TOMM34: variants seen among roughly 807,000 people sequenced by gnomAD.
TOMM34 encodes translocase of outer mitochondrial membrane 34.
A neutral mutation model predicts 37.4 loss-of-function variants in TOMM34; 24 were observed. The observed-to-expected ratio is 0.64, with a 90% CI of 0.46 to 0.90. TOMM34 has a LOEUF of 0.90. TOMM34 is among the 40% of genes least tolerant of loss of function. TOMM34 has a pLI of 0.00. For missense variants in TOMM34, 304 were observed against 375.6 expected (o/e 0.81, Z 1.58); for synonymous variants, 154 against 148.9 (o/e 1.03, Z -0.25).
chr20:44,959,369 A>C (rs1176585999), intron 1 of TOMM34, among the ~76,000 whole-genome samples: 2 of 152,170 alleles, frequency 1.3e-5, no homozygotes, highest in South Asian at 4.1e-4. Context: ...ATGCTGACGA[A>C]AGCTGGACGC....
chr20:44,950,595 A>G (rs948086749), intron 4 of TOMM34, among the ~76,000 whole-genome samples: 3 of 152,262 alleles, frequency 2.0e-5, no homozygotes, highest in Non-Finnish European at 2.9e-5. Context: ...AATGAAATCA[A>G]TGGTAGGTGC....
chr20:44,952,143 T>A, intron 3 of TOMM34, 141 bp from the exon 4 acceptor site: 1 of 917,782 alleles, frequency 1.1e-6, no homozygotes, highest in Non-Finnish European at 1.6e-6. Context: ...CCTCTTTAGC[T>A]CCTCCAACAC....
At chr20:44,949,474 T>A (rs2067008437) in intron 4 of TOMM34, among the ~76,000 whole-genome samples, 1 of 152,194 alleles carries the variant, frequency 6.6e-6, no homozygotes, top group African/African-American at 2.4e-5. Context: ...ATCTAACACA[T>A]GCAGCTCTGC....
chr20:44,942,853 T>C lies in TOMM34; in HGVS notation c.*256A>G, dbSNP rs573250800. ...TGATCAGCTAGCTGGGCTGGGGGAA[T>C]AGGGACAGAGCTTCAGCTTCACGCT... is the stretch of plus-strand genomic sequence containing the variant. On this transcript the variant is annotated 3_prime_UTR_variant, in exon 7 of 7. Coordinates refer to ENST00000372813, the MANE Select transcript of TOMM34 (RefSeq NM_006809.5). 2.7e-5 allele frequency: 15 copies of C among 550,378 alleles called. No individual in the cohort carries two copies. The highest frequency in any genetic ancestry group is 9.2e-5 in the East Asian group (3 of 32,486). 34.1% of individuals were successfully genotyped at this position (550,378 alleles called of 1,614,324 possible). A position where few individuals can be genotyped will look rare whatever the true frequency, so the allele number is the denominator to read the frequency against.
intron 3 of TOMM34, among the ~76,000 whole-genome samples, chr20:44,952,878 C>T (rs1332838181): frequency 6.6e-6 from 1 of 152,154 alleles, no homozygotes; most frequent in South Asian, 2.1e-4. Context: ...GTTTTCCTGG[C>T]GGCCAAGCTA....
rs950903385 is a variant in TOMM34 at position 44,950,961 on chromosome 20, G to C, written c.550+872C>G. ...TTGAGGTGAGGAATCTCCTGTTTTTGGCTGCTTGGATCTCCTTTCTCTTCT... is the reference window on the plus strand; with the variant it reads ...TTGAGGTGAGGAATCTCCTGTTTTTCGCTGCTTGGATCTCCTTTCTCTTCT... On this transcript the variant is annotated intron_variant, in intron 4 of 6. Coordinates refer to ENST00000372813, the MANE Select transcript of TOMM34 (RefSeq NM_006809.5). 2.6e-5 allele frequency among the ~76,000 whole-genome samples: 4 copies of C among 152,024 alleles called. No individual in the cohort carries two copies. In the East Asian group the frequency reaches 7.7e-4, roughly 29 times the overall value.
rs371426835 is a variant in TOMM34 at position 44,956,444 on chromosome 20, G to A, written c.169C>T (p.Arg57Ter). 4.3e-6 allele frequency: 7 copies of A among 1,614,058 alleles called. No homozygotes were observed. In the African/African-American group the frequency reaches 9.3e-5, roughly 22 times the overall value. The stretch of plus-strand genomic sequence containing the variant: ...CCATCCTTCAAGTGACATGCTGCTC[G>A]GTTGGAGTAGAGAACACTTTCTTCT... ...PEEESVLYSN[R>*]AACHLKDGNC... Residue 57 changes from arginine to a stop codon, truncating the protein, a stop_gained, in exon 2 of 7, where the codon CGA (arginine) becomes TGA (stop). Coordinates refer to ENST00000372813, the MANE Select transcript of TOMM34 (RefSeq NM_006809.5). LOFTEE classifies it high-confidence loss of function.
At chr20:44,960,177 C>G in intron 1 of TOMM34, 30 bp downstream of exon 1, 4 of 1,545,396 alleles carry the variant, frequency 2.6e-6, no homozygotes, top group Non-Finnish European at 3.5e-6. Flanking sequence ...AGGAGCAGGC[C>G]CGGAGGTGAG....
chr20:44,960,074 G>C, intron 1 of TOMM34, 133 bp downstream of exon 1: 1 of 1,395,056 alleles, frequency 7.2e-7, no homozygotes, highest in South Asian at 1.6e-5. Context: ...GTTTCTGGTA[G>C]GATGCCGGAG....
chr20:44,947,925 T>C (rs372766712), intron 5 of TOMM34, among the ~76,000 whole-genome samples: 2 of 152,230 alleles, frequency 1.3e-5, no homozygotes, highest in African/African-American at 4.8e-5. Context: ...TTCTAACATT[T>C]TATAATGTTT....
In TOMM34 at chr20:44,943,465, G is replaced by A; in HGVS notation, c.813C>T (p.His271=). The A allele has an allele frequency of 1.2e-6, 2 of 1,614,092 alleles. No individual in the cohort carries two copies. Among genetic ancestry groups the A allele is most frequent in the Non-Finnish European group, 1.7e-6 (2 of 1,180,018 alleles). ...GATTTTTTTTTACCTTGAGTGCTTTGTGGGCTTGAGCCCGTCTGTAGAATG... is the reference window on the plus strand; with the variant it reads ...GATTTTTTTTTACCTTGAGTGCTTTATGGGCTTGAGCCCGTCTGTAGAATG... The part of the protein sequence containing the change: ...VKAFYRRAQA[H]KALKDYKSSF... Residue 271 remains histidine (H), a synonymous_variant, in exon 6 of 7, where the codon CAC becomes CAT. Transcript: ENST00000372813.
chr20:44,953,162 G>A (rs1444231660), intron 3 of TOMM34, among the ~76,000 whole-genome samples: 2 of 152,052 alleles, frequency 1.3e-5, no homozygotes, highest in Non-Finnish European at 2.9e-5. Context: ...CAGCATTTAA[G>A]TCCCTTTAAC....
At chr20:44,951,701 T>A in intron 4 of TOMM34, 132 bp downstream of exon 4, 1 of 1,122,384 alleles carries the variant, frequency 8.9e-7, no homozygotes, top group Non-Finnish European at 1.2e-6. Context: ...TGAAGACTTG[T>A]ATTTTGTTTT....
At chr20:44,959,824 A>T in intron 1 of TOMM34, 1 of 642,838 alleles carries the variant, frequency 1.6e-6, no homozygotes, top group Non-Finnish European at 1.9e-6. Flanking sequence ...TGACTCGCTT[A>T]AGACTCACGT....
intron 5 of TOMM34, among the ~76,000 whole-genome samples, chr20:44,943,789 G>A (rs749826812): frequency 4.6e-5 from 7 of 152,146 alleles, no homozygotes; most frequent in Non-Finnish European, 8.8e-5. Flanking sequence ...GCCAGGTACC[G>A]CCAGTATTAA....
intron 1 of TOMM34, chr20:44,958,443 AG>A (rs2067096471): frequency 4.3e-6 from 2 of 469,194 alleles, no homozygotes; most frequent in Non-Finnish European, 8.8e-6. Flanking sequence ...ACGGTTGCTC[AG>A]AAACAGCAGT....
chr20:44,952,010 A>G lies in TOMM34; in HGVS notation c.381-8T>C, dbSNP rs769288839. 5 of 1,603,090 alleles carry G rather than the reference A, an allele frequency of 3.1e-6. No individual in the cohort carries two copies. In the East Asian group the frequency reaches 9.0e-5, roughly 29 times the overall value. On this transcript the variant is annotated splice_polypyrimidine_tract_variant and splice_region_variant and intron_variant, in intron 3 of 6. Transcript: ENST00000372813. ...ATGAGAGCTCTGGTCATTCTGGAAA[A>G]GAAGGCAGGATTGCAGGGAGGTTTC...
chr20:44,956,282 C>G, intron 2 of TOMM34, 104 bp downstream of exon 2: 1 of 1,118,516 alleles, frequency 8.9e-7, no homozygotes, highest in Non-Finnish European at 1.3e-6. Context: ...ATATCTGTCC[C>G]AGATGTAATT....
At chr20:44,946,254 G>A (rs149731937) in intron 5 of TOMM34, among the ~76,000 whole-genome samples, 44 of 152,288 alleles carry the variant, frequency 2.9e-4, no homozygotes, top group African/African-American at 8.2e-4. Flanking sequence ...ACCGTGTATC[G>A]TGACTTCAGA....
Sources: gnomAD v4.1 joint callset for allele counts (sites outside exome capture counted in the v4.1 genomes callset) on GRCh38, gnomAD v4.1.1 for gene constraint, MANE v1.5 for transcripts, NCBI Gene and HGNC (gene_info 2026-07-23, HGNC 2026-07-21) for gene names.